ARCN1: variants seen among roughly 807,000 people sequenced by gnomAD.
ARCN1 encodes the protein coatomer subunit delta.
Under a neutral mutation model 60.4 loss-of-function variants are expected in ARCN1, and 5 were observed. The ratio of observed to expected loss-of-function variants is 0.08; its 90% CI spans 0.04 to 0.17. ARCN1 has a LOEUF of 0.17. Among genes scored for constraint, ARCN1 ranks in the 10% least tolerant of loss-of-function variants. ARCN1 has a pLI of 1.00. For missense variants in ARCN1, 464 were observed against 626.5 expected (o/e 0.74, Z 2.77); for synonymous variants, 224 against 220.0 (o/e 1.02, Z -0.16).
chr11:118,584,244 TG>T (rs1938726588), intron 4 of ARCN1, among the ~76,000 whole-genome samples: 1 of 152,218 alleles, frequency 6.6e-6, no homozygotes, highest in Admixed American at 6.5e-5. Flanking sequence ...CAGTTTCCTA[TG>T]AGAGTTGCCT....
At chr11:118,575,118 G>A (rs1440038009) in intron 1 of ARCN1, among the ~76,000 whole-genome samples, 3 of 152,040 alleles carry the variant, frequency 2.0e-5, no homozygotes, top group African/African-American at 7.2e-5. Context: ...AGCTGGGACT[G>A]CAGGCGCCTG....
chr11:118,598,043 G>A, intron 9 of ARCN1, 132 bp downstream of exon 9: 1 of 777,700 alleles, frequency 1.3e-6, no homozygotes, highest in African/African-American at 1.7e-5. Context: ...TCTCCTACAG[G>A]AATTCCCTTT....
chr11:118,597,017 G>A (rs1555077281), intron 8 of ARCN1, among the ~76,000 whole-genome samples: 2 of 152,156 alleles, frequency 1.3e-5, no homozygotes, highest in African/African-American at 4.8e-5. Flanking sequence ...GACCATCCTG[G>A]CCCGCATGGT....
At chr11:118,572,760 G>T in intron 1 of ARCN1, 1 of 510,946 alleles carries the variant, frequency 2.0e-6, no homozygotes, top group Non-Finnish European at 3.5e-6. Flanking sequence ...CGTCGTGCCC[G>T]CTTCCGCACC....
intron 8 of ARCN1, among the ~76,000 whole-genome samples, chr11:118,595,007 G>T (rs782585220): frequency 6.6e-6 from 1 of 151,714 alleles, no homozygotes; most frequent in Non-Finnish European, 1.5e-5. Flanking sequence ...GTGCCACCAC[G>T]CCCAGTTAAT....
In ARCN1 at chr11:118,586,470, C is replaced by T. The variant is rs567236934; in HGVS notation, c.818+1826C>T. On this transcript the variant is annotated intron_variant, in intron 5 of 9. Coordinates refer to ENST00000264028, the MANE Select transcript of ARCN1 (RefSeq NM_001655.5). Reference sequence around the variant, plus strand: ...ACATTGGGATAAATTTCTTGATTCACTAAAGCCGCTGTGCTCTTCCTAGTG... The same window carrying T: ...ACATTGGGATAAATTTCTTGATTCATTAAAGCCGCTGTGCTCTTCCTAGTG... 1.8e-4 allele frequency among the ~76,000 whole-genome samples: 27 copies of T among 152,240 alleles called. 1 individual carries two copies. The highest frequency in any genetic ancestry group is 6.5e-4 in the African/African-American group (27 of 41,564).
chr11:118,590,221 C>T, intron 5 of ARCN1, 120 bp from the exon 6 acceptor site: 1 of 684,266 alleles, frequency 1.5e-6, no homozygotes, highest in Non-Finnish European at 2.4e-6. Context: ...TCTCGAACTC[C>T]CCACCTCAGG....
intron 5 of ARCN1, among the ~76,000 whole-genome samples, chr11:118,585,119 C>G (rs1938750167): frequency 6.6e-6 from 1 of 152,170 alleles, no homozygotes; most frequent in African/African-American, 2.4e-5. Context: ...AGCCACCACG[C>G]CCGGCTGTTG....
At chr11:118,595,808 C>CT (rs1939012508) in intron 8 of ARCN1, among the ~76,000 whole-genome samples, 1 of 152,222 alleles carries the variant, frequency 6.6e-6, no homozygotes. Context: ...TGGCTCACGC[C>CT]TGTAATCCCA....
At chr11:118,573,582 ATGTTC>A (rs1565356154) in intron 1 of ARCN1, 9 of 655,752 alleles carry the variant, frequency 1.4e-5, no homozygotes, top group Middle Eastern at 2.5e-4. Flanking sequence ...CTTTTGAAGG[ATGTTC>A]TGTTCTGTTC....
intron 8 of ARCN1, among the ~76,000 whole-genome samples, chr11:118,596,508 C>G (rs1939029122): frequency 6.6e-6 from 1 of 152,130 alleles, no homozygotes; most frequent in South Asian, 2.1e-4. Context: ...AGAATTAGAG[C>G]AAGGGCACAG....
At position 118,601,661 on chromosome 11, in the gene ARCN1, C is replaced by T. The variant is rs1026802242; in HGVS notation, c.*947C>T. On this transcript the variant is annotated 3_prime_UTR_variant, in exon 10 of 10. Transcript: ENST00000264028. ...ATACGCATGTCTTCTGTTCTTTTCC[C>T]GTATCAATTCATTCCTTCATCTCTT... is the stretch of plus-strand genomic sequence containing the variant. 12 of 702,868 alleles carry T rather than the reference C, an allele frequency of 1.7e-5. No individual in the cohort carries two copies. Among genetic ancestry groups the T allele is most frequent in the African/African-American group, 1.4e-4 (8 of 57,250 alleles). 43.5% of individuals were successfully genotyped at this position (702,868 alleles called of 1,614,324 possible). A position where few individuals can be genotyped will look rare whatever the true frequency, so the allele number is the denominator to read the frequency against.
intron 5 of ARCN1, among the ~76,000 whole-genome samples, chr11:118,589,386 C>T (rs1010244549): frequency 2.6e-5 from 4 of 152,086 alleles, no homozygotes; most frequent in African/African-American, 7.2e-5. Flanking sequence ...TGTTTGTTTT[C>T]TCACCATTGC....
At chr11:118,579,823 C>G (rs1454769744) in intron 1 of ARCN1, among the ~76,000 whole-genome samples, 4 of 151,516 alleles carry the variant, frequency 2.6e-5, no homozygotes, top group African/African-American at 9.7e-5. Flanking sequence ...ATTAATAAAA[C>G]AATTTTTTCT....
Position 118,590,523 on chromosome 11 carries a change from G to T in ARCN1, c.984+17G>T. The T allele has an allele frequency of 6.2e-7, 1 of 1,612,916 alleles. No individual in the cohort carries two copies. Among genetic ancestry groups the T allele is most frequent in the African/African-American group, 1.3e-5 (1 of 75,020 alleles). ...CAGCTACAGGTGTGTAGAAGCTTTT[G>T]ATAGGGAGTATTAACACTTTGTCTA... is the stretch of plus-strand genomic sequence containing the variant. On this transcript the variant is annotated intron_variant, in intron 6 of 9. Coordinates refer to ENST00000264028, the MANE Select transcript of ARCN1 (RefSeq NM_001655.5).
intron 8 of ARCN1, among the ~76,000 whole-genome samples, chr11:118,595,427 A>G (rs1939004122): frequency 6.6e-6 from 1 of 152,222 alleles, no homozygotes; most frequent in African/African-American, 2.4e-5. Flanking sequence ...ATATACAATA[A>G]ACTACACATA....
chr11:118,591,848 C>T (rs1213194267), intron 6 of ARCN1, among the ~76,000 whole-genome samples: 2 of 151,760 alleles, frequency 1.3e-5, no homozygotes, highest in African/African-American at 4.8e-5. Context: ...AATGCTTCCT[C>T]TTCAGCCTCC....
chr11:118,597,055 A>T (rs1939042205), intron 8 of ARCN1, among the ~76,000 whole-genome samples: 1 of 152,124 alleles, frequency 6.6e-6, no homozygotes, highest in Middle Eastern at 3.2e-3. Context: ...AAAAATACAA[A>T]AATTAGCTGG....
At chr11:118,576,426 T>TAAAAAAAAAAAAAAAAAAA in intron 1 of ARCN1, among the ~76,000 whole-genome samples, 1 of 108,776 alleles carries the variant, frequency 9.2e-6, no homozygotes, top group Non-Finnish European at 1.8e-5. Context: ...CCAAAAATGT[T>TAAAAAAAAAAAAAAAAAAA]AAAAAAAAAA....
Sources: allele counts gnomAD v4.1 joint callset (sites outside exome capture counted in the v4.1 genomes callset), GRCh38; gene constraint gnomAD v4.1.1; transcripts MANE v1.5; gene names NCBI Gene and HGNC (gene_info 2026-07-23, HGNC 2026-07-21).